SPAG16: variants seen among roughly 807,000 people sequenced by gnomAD.
SPAG16 encodes the protein sperm-associated antigen 16 protein.
SPAG16 carries 86 observed loss-of-function variants against 80.4 expected under a neutral mutation model. That is an observed-to-expected ratio of 1.07 (90% CI 0.90 to 1.28). The LOEUF (loss-of-function observed/expected upper bound fraction) is 1.28. SPAG16 is among the 50% of genes most tolerant of loss of function. The pLI, the probability that SPAG16 is intolerant of heterozygous loss-of-function variation, is 0.00. For synonymous variants in SPAG16, 294 were observed against 265.9 expected, an observed-to-expected ratio of 1.11 and a Z score of -1.03; for missense variants, 870 against 765.3, an observed-to-expected ratio of 1.14 and a Z score of -1.61.
intron 15 of SPAG16, among the ~76,000 whole-genome samples, chr2:214,389,672 A>G (rs2126125005): frequency 6.6e-6 from 1 of 152,356 alleles, no homozygotes; most frequent in Non-Finnish European, 1.5e-5. Context: ...ACTATTGACA[A>G]TAACTTGCTT....
chr2:214,133,220 G>A (rs189452810), intron 14 of SPAG16, among the ~76,000 whole-genome samples: 58 of 151,966 alleles, frequency 3.8e-4, no homozygotes, highest in Non-Finnish European at 2.9e-5. Context: ...GGGCTATTTC[G>A]TGCATTATAA....
rs533559367 is a variant in SPAG16 at position 213,399,299 on chromosome 2, G to C, written c.942+24180G>C. Among the ~76,000 whole-genome samples, 3 of 151,930 alleles carry C rather than the reference G, an allele frequency of 2.0e-5. No individual in the cohort carries two copies. In the South Asian group the frequency reaches 6.2e-4, roughly 32 times the overall value. On this transcript the variant is annotated intron_variant, in intron 9 of 15. Coordinates refer to ENST00000331683, the MANE Select transcript of SPAG16 (RefSeq NM_024532.5). Reference sequence around the variant, plus strand: ...AAGTTGAAAAAATTTGTTTTCCTTTGATATTTAAAGTTTGTGTTTTACCAT... The same window carrying C: ...AAGTTGAAAAAATTTGTTTTCCTTTCATATTTAAAGTTTGTGTTTTACCAT...
At chr2:213,886,844 C>T (rs2076574329) in intron 11 of SPAG16, among the ~76,000 whole-genome samples, 1 of 151,854 alleles carries the variant, frequency 6.6e-6, no homozygotes, top group Non-Finnish European at 1.5e-5. Context: ...ATGACTAAAA[C>T]CATTTAAAAT....
chr2:213,702,372 C>T (rs1052690187), intron 10 of SPAG16, among the ~76,000 whole-genome samples: 9 of 152,220 alleles, frequency 5.9e-5, no homozygotes, highest in African/African-American at 1.9e-4. Flanking sequence ...TGCAATAAAT[C>T]TTGCTGCTGC....
chr2:213,781,341 T>G (rs1294777184), intron 10 of SPAG16, among the ~76,000 whole-genome samples: 1 of 152,234 alleles, frequency 6.6e-6, no homozygotes, highest in Admixed American at 6.5e-5. Context: ...ATTTGCTTTT[T>G]ATAGAAGGCA....
chr2:213,518,675 G>A (rs889500212), intron 10 of SPAG16, among the ~76,000 whole-genome samples: 6 of 152,196 alleles, frequency 3.9e-5, no homozygotes, highest in Non-Finnish European at 8.8e-5. Flanking sequence ...AAACAGTTTG[G>A]AGATTTCTGA....
chr2:213,983,039 A>G (rs796856630), intron 12 of SPAG16, among the ~76,000 whole-genome samples: 4 of 152,088 alleles, frequency 2.6e-5, no homozygotes, highest in African/African-American at 9.6e-5. Context: ...TGTCTTCCAT[A>G]TATTCAATAC....
At chr2:213,516,856 G>T (rs547967072) in intron 10 of SPAG16, among the ~76,000 whole-genome samples, 2 of 152,100 alleles carry the variant, frequency 1.3e-5, no homozygotes, top group East Asian at 3.9e-4. Context: ...GGAAAAAATA[G>T]AAAAAAGTTT....
chr2:214,090,927 CAAAT>C (rs2052147636), intron 13 of SPAG16, among the ~76,000 whole-genome samples: 1 of 151,866 alleles, frequency 6.6e-6, no homozygotes, highest in African/African-American at 2.4e-5. Flanking sequence ...AAAATGAGAA[CAAAT>C]AAATGAACAA....
chr2:213,587,733 C>T (rs1266632309), intron 10 of SPAG16, among the ~76,000 whole-genome samples: 1 of 152,082 alleles, frequency 6.6e-6, no homozygotes, highest in Non-Finnish European at 1.5e-5. Flanking sequence ...TTTAAATTCT[C>T]TCTTTTTACT....
intron 10 of SPAG16, among the ~76,000 whole-genome samples, chr2:213,493,607 G>A (rs1447461734): frequency 1.3e-5 from 2 of 151,930 alleles, no homozygotes; most frequent in Admixed American, 6.6e-5. Flanking sequence ...ATGGAGTCTC[G>A]CTCTCTTGCC....
chr2:213,928,729 CAG>C (rs1438649481), intron 11 of SPAG16, among the ~76,000 whole-genome samples: 1 of 152,078 alleles, frequency 6.6e-6, no homozygotes, highest in African/African-American at 2.4e-5. Context: ...GCCGTAGAAA[CAG>C]AGATGAAATG....
At chr2:214,387,440 T>A (rs1700824090) in intron 15 of SPAG16, among the ~76,000 whole-genome samples, 2 of 152,240 alleles carry the variant, frequency 1.3e-5, no homozygotes, top group African/African-American at 4.8e-5. Flanking sequence ...GATAATTTTA[T>A]GATTTATAGT....
At chr2:214,073,369 C>T (rs1174765316) in intron 13 of SPAG16, among the ~76,000 whole-genome samples, 1 of 151,658 alleles carries the variant, frequency 6.6e-6, no homozygotes, top group African/African-American at 2.4e-5. Flanking sequence ...TCCTGAGTAG[C>T]TGGGATTACA....
At chr2:214,275,962 T>A (rs1328055629) in intron 15 of SPAG16, among the ~76,000 whole-genome samples, 1 of 152,234 alleles carries the variant, frequency 6.6e-6, no homozygotes, top group Non-Finnish European at 1.5e-5. Flanking sequence ...ACTTGCTTTA[T>A]GCATCTGGGT....
chr2:213,851,240 G>A (rs2074889067), intron 10 of SPAG16, among the ~76,000 whole-genome samples: 1 of 152,164 alleles, frequency 6.6e-6, no homozygotes. Flanking sequence ...ATGGGCCAGC[G>A]TGGTGGCTCA....
chr2:214,251,026 T>C (rs939945748), intron 15 of SPAG16, among the ~76,000 whole-genome samples: 1 of 151,858 alleles, frequency 6.6e-6, no homozygotes, highest in African/African-American at 2.4e-5. Flanking sequence ...TAAAGCACTA[T>C]TGTTTTATTA....
At chr2:213,758,610 A>G (rs1387170896) in intron 10 of SPAG16, among the ~76,000 whole-genome samples, 3 of 152,162 alleles carry the variant, frequency 2.0e-5, no homozygotes, top group Admixed American at 6.5e-5. Flanking sequence ...GGAAACAGTC[A>G]GTAAACTTGA....
chr2:213,697,093 A>G (rs978477566), intron 10 of SPAG16, among the ~76,000 whole-genome samples: 7 of 152,150 alleles, frequency 4.6e-5, no homozygotes, highest in Non-Finnish European at 1.0e-4. Flanking sequence ...GGGACACTTC[A>G]TTTATTGTAA....
Sources: gnomAD v4.1 joint callset for allele counts (sites outside exome capture counted in the v4.1 genomes callset) on GRCh38, gnomAD v4.1.1 for gene constraint, MANE v1.5 for transcripts, NCBI Gene and HGNC (gene_info 2026-07-23, HGNC 2026-07-21) for gene names.